The following KCNQ3 variants were observed in gnomAD, a reference collection of about 807,000 sequenced individuals.
KCNQ3 encodes potassium voltage-gated channel subfamily KQT member 3.
KCNQ3 carries 30 observed loss-of-function variants against 92.5 expected under a neutral mutation model. The ratio of observed to expected loss-of-function variants is 0.32; its 90% CI spans 0.24 to 0.44. The LOEUF is 0.44. KCNQ3 is among the 20% of genes least tolerant of loss of function. The probability of loss-of-function intolerance (pLI) is 1.00; values close to 1 mark genes in which losing one functional copy is unlikely to be tolerated. For missense variants in KCNQ3, 913 were observed against 1,140.3 expected, an observed-to-expected ratio of 0.80 and a Z score of 2.87; for synonymous variants, 450 against 468.8, an observed-to-expected ratio of 0.96 and a Z score of 0.52.
At chr8:132,354,449 G>C (rs1381672584) in intron 1 of KCNQ3, among the ~76,000 whole-genome samples, 1 of 152,140 alleles carries the variant, frequency 6.6e-6, no homozygotes, top group South Asian at 2.1e-4. Context: ...AAAACAGGGG[G>C]CATTAGTTAT....
intron 1 of KCNQ3, among the ~76,000 whole-genome samples, chr8:132,469,716 G>A (rs1293651018): frequency 6.6e-6 from 1 of 151,896 alleles, no homozygotes; most frequent in Non-Finnish European, 1.5e-5. Flanking sequence ...GACCCTGATC[G>A]GTGGGAAAAA....
At chr8:132,400,782 T>G (rs1291323533) in intron 1 of KCNQ3, among the ~76,000 whole-genome samples, 1 of 152,260 alleles carries the variant, frequency 6.6e-6, no homozygotes, top group Non-Finnish European at 1.5e-5. Flanking sequence ...GCCTTTATAT[T>G]CAGGGCCTTG....
At position 132,129,515 on chromosome 8, in the gene KCNQ3, G is replaced by C; in HGVS notation, c.2366C>G (p.Pro789Arg). The C allele has an allele frequency of 2.5e-6, 4 of 1,614,202 alleles. No homozygotes were observed. The highest frequency in any genetic ancestry group is 3.4e-6 in the Non-Finnish European group (4 of 1,180,034). The change falls in exon 15 of 15, where the codon CCT (proline) becomes CGT (arginine). Residue 789 changes from proline (P) to arginine (R), a missense_variant. Transcript: ENST00000388996. This position sits in a 1 kb window ranked among gnomAD's most constrained non-coding sequence, Gnocchi z 5.9. ...RRSITRDSDTPLSLMSVNHEE... is the reference protein window; with the variant it reads ...RRSITRDSDTRLSLMSVNHEE... ...GTGGTTGACCGACATCAGGGACAGA[G>C]GTGTGTCACTGTCTCGCGTGATGCT...
At chr8:132,388,023 AGAAGAAGAAGAG>A (rs1298141036) in intron 1 of KCNQ3, among the ~76,000 whole-genome samples, 21 of 144,812 alleles carry the variant, frequency 1.5e-4, no homozygotes, top group Non-Finnish European at 1.5e-4. Context: ...AGGAAGAGGA[AGAAGAAGAAGAG>A]GAAGAGGAAG....
chr8:132,463,082 G>A (rs1010176151), intron 1 of KCNQ3, among the ~76,000 whole-genome samples: 3 of 152,088 alleles, frequency 2.0e-5, no homozygotes, highest in Non-Finnish European at 4.4e-5. Flanking sequence ...GCCCTGTTTT[G>A]GAAGACGACA....
intron 8 of KCNQ3, among the ~76,000 whole-genome samples, chr8:132,169,015 CAAA>C (rs570281435): frequency 7.6e-4 from 115 of 151,890 alleles, no homozygotes; most frequent in Non-Finnish European, 1.6e-3. Flanking sequence ...GTATCAAAAA[CAAA>C]AAAATGCACT....
At chr8:132,466,010 T>A (rs1822164497) in intron 1 of KCNQ3, among the ~76,000 whole-genome samples, 1 of 152,056 alleles carries the variant, frequency 6.6e-6, no homozygotes, top group Admixed American at 6.5e-5. Context: ...TATGTGACCA[T>A]ACCATAATAT....
At position 132,185,339 on chromosome 8, in the gene KCNQ3, G is replaced by GAGGC. The variant is rs1826926913; in HGVS notation, c.477+748_477+751dup. On this transcript the variant is annotated intron_variant, in intron 2 of 14. Transcript: ENST00000388996. ...CCCATGCAGTCGGCATTGCCCTGAA[G>GAGGC]AGGCAGGACTGACTCCTAATCACGG... is the stretch of plus-strand genomic sequence containing the variant. 3.9e-5 allele frequency among the ~76,000 whole-genome samples: 6 copies of GAGGC among 152,384 alleles called. No homozygotes were observed. In the South Asian group the frequency reaches 1.2e-3, roughly 32 times the overall value.
At chr8:132,249,855 C>T (rs940588061) in intron 1 of KCNQ3, among the ~76,000 whole-genome samples, 1 of 152,204 alleles carries the variant, frequency 6.6e-6, no homozygotes, top group Non-Finnish European at 1.5e-5. Context: ...GGTGAGCTAG[C>T]ACTGCTGGGG....
intron 7 of KCNQ3, among the ~76,000 whole-genome samples, chr8:132,171,630 TGTTTAATA>T (rs1344122525): frequency 1.3e-5 from 2 of 152,168 alleles, no homozygotes; most frequent in African/African-American, 4.8e-5. Flanking sequence ...ATGGGAAAAG[TGTTTAATA>T]TTTTGCACAT....
chr8:132,333,704 T>A (rs541818676), intron 1 of KCNQ3, among the ~76,000 whole-genome samples: 14 of 151,916 alleles, frequency 9.2e-5, no homozygotes, highest in Non-Finnish European at 1.5e-4. Flanking sequence ...GTAAACTTTG[T>A]CCTATGTTAC....
At chr8:132,157,627 A>G (rs973218640) in intron 9 of KCNQ3, among the ~76,000 whole-genome samples, 1 of 150,946 alleles carries the variant, frequency 6.6e-6, no homozygotes, top group Non-Finnish European at 1.5e-5. Context: ...CTTTACCCAG[A>G]AAATGTAACC....
chr8:132,269,942 G>A (rs1816101132), intron 1 of KCNQ3, among the ~76,000 whole-genome samples: 1 of 152,210 alleles, frequency 6.6e-6, no homozygotes, highest in Non-Finnish European at 1.5e-5. Context: ...GCAAAAGGAT[G>A]CAGATCCCAA....
chr8:132,305,538 C>G (rs772703116), intron 1 of KCNQ3, among the ~76,000 whole-genome samples: 1 of 152,092 alleles, frequency 6.6e-6, no homozygotes, highest in Non-Finnish European at 1.5e-5. Context: ...AGTAAGATAA[C>G]CAGTGTTCCC....
chr8:132,323,270 T>C (rs927422576), intron 1 of KCNQ3, among the ~76,000 whole-genome samples: 3 of 152,162 alleles, frequency 2.0e-5, no homozygotes, highest in Non-Finnish European at 4.4e-5. Context: ...ATAGGGGACT[T>C]TAGCCCCATG....
intron 1 of KCNQ3, among the ~76,000 whole-genome samples, chr8:132,347,460 G>A (rs924494396): frequency 1.3e-5 from 2 of 152,156 alleles, no homozygotes; most frequent in Admixed American, 1.3e-4. Flanking sequence ...TGACCTTGTG[G>A]AATTATTTGC....
At chr8:132,401,721 A>G (rs1456097408) in intron 1 of KCNQ3, among the ~76,000 whole-genome samples, 1 of 152,210 alleles carries the variant, frequency 6.6e-6, no homozygotes, top group Non-Finnish European at 1.5e-5. Context: ...CTGAAAAGCT[A>G]TGAAAGAATC....
chr8:132,440,513 G>A (rs527794779), intron 1 of KCNQ3, among the ~76,000 whole-genome samples: 1 of 152,278 alleles, frequency 6.6e-6, no homozygotes, highest in East Asian at 1.9e-4. Context: ...GTGCCCTGAA[G>A]AGTGAACACA....
intron 1 of KCNQ3, among the ~76,000 whole-genome samples, chr8:132,202,583 A>G (rs1246601876): frequency 6.6e-6 from 1 of 152,172 alleles, no homozygotes; most frequent in Non-Finnish European, 1.5e-5. Flanking sequence ...ATCCTAGTTC[A>G]TGGCTCTTAG....
Sources: allele counts gnomAD v4.1 joint callset (sites outside exome capture counted in the v4.1 genomes callset), GRCh38; gene constraint gnomAD v4.1.1; non-coding constraint Gnocchi (gnomAD v3.1); transcripts MANE v1.5; gene names NCBI Gene and HGNC (gene_info 2026-07-23, HGNC 2026-07-21).